The following ITGA9 variants were observed in gnomAD, a reference collection of about 807,000 sequenced individuals.
ITGA9 encodes the protein integrin alpha-9.
Under a neutral mutation model 127.8 loss-of-function variants are expected in ITGA9, and 56 were observed. The observed-to-expected ratio is 0.44, with a 90% CI of 0.35 to 0.55. ITGA9 has a LOEUF of 0.55. Ranked by LOEUF, ITGA9 falls within the 20% of genes least tolerant of loss-of-function variation. ITGA9 has a pLI of 0.00. For synonymous variants in ITGA9, 508 were observed against 514.5 expected (o/e 0.99, Z 0.17); for missense variants, 1,196 against 1,347.1 (o/e 0.89, Z 1.76).
chr3:37,674,294 A>C (rs1169775722), intron 17 of ITGA9, among the ~76,000 whole-genome samples: 1 of 152,248 alleles, frequency 6.6e-6, no homozygotes, highest in Non-Finnish European at 1.5e-5. Context: ...CTCCCAGCCC[A>C]CAGAGGTGAG....
Position 37,792,547 on chromosome 3 carries a change from C to T in ITGA9, c.2889+7469C>T, listed in dbSNP as rs528920568. On this transcript the variant is annotated intron_variant, in intron 26 of 27. Transcript: ENST00000264741. Reference sequence around the variant, plus strand: ...GGAGCCCCAAAAGGCTTGGCCTCTTCAAGGCACTGAAAGACCAGGTAGCAG... The same window carrying T: ...GGAGCCCCAAAAGGCTTGGCCTCTTTAAGGCACTGAAAGACCAGGTAGCAG... Among the ~76,000 whole-genome samples the T allele has an allele frequency of 7.2e-5, 11 of 152,260 alleles. No individual in the cohort carries two copies. In the East Asian group the frequency reaches 2.1e-3, roughly 29 times the overall value.
chr3:37,553,173 T>C (rs1699395303), intron 15 of ITGA9, among the ~76,000 whole-genome samples: 2 of 152,194 alleles, frequency 1.3e-5, no homozygotes, highest in African/African-American at 4.8e-5. Context: ...TGTTTGAGAG[T>C]AAGTCGGAGA....
chr3:37,775,664 A>G (rs1404922667), intron 23 of ITGA9, among the ~76,000 whole-genome samples: 2 of 152,004 alleles, frequency 1.3e-5, no homozygotes, highest in Non-Finnish European at 2.9e-5. Flanking sequence ...AAAAAAAGCA[A>G]AAGTCAAAAA....
intron 17 of ITGA9, among the ~76,000 whole-genome samples, chr3:37,683,322 A>G (rs1158279481): frequency 6.6e-6 from 1 of 152,072 alleles, no homozygotes; most frequent in Non-Finnish European, 1.5e-5. Context: ...TTCCCTGATC[A>G]CCTTATTGTA....
At chr3:37,687,721 A>G (rs916514838) in intron 18 of ITGA9, among the ~76,000 whole-genome samples, 1 of 152,218 alleles carries the variant, frequency 6.6e-6, no homozygotes, top group Non-Finnish European at 1.5e-5. Flanking sequence ...CACACAGCCA[A>G]CTTGCCCTCC....
At chr3:37,609,549 C>T (rs1395674454) in intron 15 of ITGA9, among the ~76,000 whole-genome samples, 1 of 152,182 alleles carries the variant, frequency 6.6e-6, no homozygotes, top group Non-Finnish European at 1.5e-5. Context: ...ACCCATGACA[C>T]TGTTAAATCC....
At chr3:37,463,931 T>C (rs1288119285) in intron 1 of ITGA9, among the ~76,000 whole-genome samples, 1 of 152,170 alleles carries the variant, frequency 6.6e-6, no homozygotes, top group Non-Finnish European at 1.5e-5. Context: ...TGGGAATACA[T>C]GTGTCACAGT....
intron 16 of ITGA9, among the ~76,000 whole-genome samples, chr3:37,647,472 A>G (rs953322796): frequency 1.4e-5 from 2 of 144,164 alleles, no homozygotes; most frequent in African/African-American, 5.2e-5. Flanking sequence ...TTTTTTTGAT[A>G]GTAAGAGCAC....
At chr3:37,627,506 G>T (rs555797398) in intron 15 of ITGA9, among the ~76,000 whole-genome samples, 1 of 152,204 alleles carries the variant, frequency 6.6e-6, no homozygotes, top group South Asian at 2.1e-4. Flanking sequence ...CCCCGTACAC[G>T]TAGGACTACC....
At chr3:37,765,309 TA>T (rs1696767774) in intron 23 of ITGA9, among the ~76,000 whole-genome samples, 1 of 152,146 alleles carries the variant, frequency 6.6e-6, no homozygotes, top group South Asian at 2.1e-4. Flanking sequence ...AATTTTGAAA[TA>T]AGAGATTGAA....
intron 22 of ITGA9, among the ~76,000 whole-genome samples, chr3:37,747,707 CTTTTTTT>C (rs1462581211): frequency 3.8e-5 from 5 of 130,534 alleles, no homozygotes; most frequent in African/African-American, 1.7e-4. Flanking sequence ...TATTTCTTTC[CTTTTTTT>C]TCTTTTTTTT....
intron 1 of ITGA9, among the ~76,000 whole-genome samples, chr3:37,466,308 C>T (rs1354211457): frequency 6.6e-6 from 1 of 151,756 alleles, no homozygotes; most frequent in Non-Finnish European, 1.5e-5. Flanking sequence ...TATGGTGAAA[C>T]CCCATCTCTA....
chr3:37,732,651 C>T (rs754944994), intron 18 of ITGA9, 61 bp from the exon 19 acceptor site: 49 of 1,287,734 alleles, frequency 3.8e-5, no homozygotes, highest in Non-Finnish European at 5.2e-5. Context: ...CCCCGTGGAG[C>T]CTGCTCCCAC....
At chr3:37,616,521 G>A (rs1469537251) in intron 15 of ITGA9, among the ~76,000 whole-genome samples, 2 of 152,168 alleles carry the variant, frequency 1.3e-5, no homozygotes, top group South Asian at 2.1e-4. Context: ...GGATATCTTT[G>A]TTAACTTTCT....
intron 4 of ITGA9, among the ~76,000 whole-genome samples, chr3:37,493,277 CA>C (rs1698691246): frequency 6.6e-6 from 1 of 152,184 alleles, no homozygotes; most frequent in East Asian, 1.9e-4. Context: ...CAGGAAGTGG[CA>C]CTGTGTTGCA....
chr3:37,623,354 C>G lies in ITGA9; in HGVS notation c.1690-5833C>G, dbSNP rs76459680. On this transcript the variant is annotated intron_variant, in intron 15 of 27. Coordinates refer to ENST00000264741, the MANE Select transcript of ITGA9 (RefSeq NM_002207.3). ...TTAGCCCTGAGCTCTTAAGTTTTGT[C>G]TTCACAGAGTCATAAGACTTCCAGA... Among the ~76,000 whole-genome samples, 660 of 152,316 alleles carry G rather than the reference C, an allele frequency of 4.3e-3. 3 individuals carry two copies. Among genetic ancestry groups the G allele is most frequent in the African/African-American group, 0.015 (634 of 41,568 alleles).
intron 5 of ITGA9, among the ~76,000 whole-genome samples, chr3:37,496,633 TATC>T (rs1245048937): frequency 6.6e-6 from 1 of 152,158 alleles, no homozygotes; most frequent in Non-Finnish European, 1.5e-5. Context: ...ACAGGAAAAA[TATC>T]ATGGTGCTCC....
chr3:37,773,136 C>T (rs1055475387), intron 23 of ITGA9, among the ~76,000 whole-genome samples: 9 of 152,222 alleles, frequency 5.9e-5, no homozygotes, highest in Non-Finnish European at 1.5e-5. Flanking sequence ...TGGGCTGGAG[C>T]TCTGCTCCCA....
At chr3:37,661,861 G>A (rs1700540231) in intron 17 of ITGA9, among the ~76,000 whole-genome samples, 1 of 152,202 alleles carries the variant, frequency 6.6e-6, no homozygotes, top group Non-Finnish European at 1.5e-5. Flanking sequence ...AAGAGGTGGT[G>A]TTGAGAGGAA....
Sources: allele counts gnomAD v4.1 joint callset (sites outside exome capture counted in the v4.1 genomes callset), GRCh38; gene constraint gnomAD v4.1.1; transcripts MANE v1.5; gene names NCBI Gene and HGNC (gene_info 2026-07-23, HGNC 2026-07-21).